The following HIVEP3 variants were observed in gnomAD, a reference collection of about 807,000 sequenced individuals.
HIVEP3 encodes the protein HIVEP zinc finger 3.
HIVEP3 carries 49 observed loss-of-function variants against 152.8 expected under a neutral mutation model. That is an observed-to-expected ratio of 0.32 (90% CI 0.26 to 0.41). The LOEUF is 0.41. HIVEP3 is among the 10% of genes least tolerant of loss of function. The pLI, the probability that HIVEP3 is intolerant of heterozygous loss-of-function variation, is 1.00. For missense variants in HIVEP3, 2,790 were observed against 3,103.3 expected, an observed-to-expected ratio of 0.90 and a Z score of 2.40; for synonymous variants, 1,269 against 1,289.0, an observed-to-expected ratio of 0.98 and a Z score of 0.33.
At chr1:41,586,371 A>G (rs1340476627) in intron 3 of HIVEP3, among the ~76,000 whole-genome samples, 4 of 152,234 alleles carry the variant, frequency 2.6e-5, no homozygotes, top group Admixed American at 1.3e-4. Context: ...GGACATCATG[A>G]AGATGGCTTA....
intron 1 of HIVEP3, chr1:41,847,467 TA>T (rs1177430359): frequency 6.6e-6 from 1 of 152,266 alleles, no homozygotes; most frequent in Middle Eastern, 3.2e-3. Flanking sequence ...TGTATGATAC[TA>T]TATGACTAAA....
intron 3 of HIVEP3, among the ~76,000 whole-genome samples, chr1:41,620,171 G>C (rs1645026376): frequency 6.6e-6 from 1 of 152,180 alleles, no homozygotes. Flanking sequence ...CCGAACAGAG[G>C]CAAGACAGCA....
chr1:41,545,186 C>T (rs1643718985), intron 5 of HIVEP3, among the ~76,000 whole-genome samples: 4 of 135,802 alleles, frequency 2.9e-5, no homozygotes, highest in African/African-American at 5.9e-5. Context: ...TTACCACCAT[C>T]ACCAACACCA....
In HIVEP3 at chr1:41,772,085, T is replaced by C. The variant is rs1648409914; in HGVS notation, c.-800-71090A>G. On this transcript the variant is annotated intron_variant, in intron 1 of 8. Coordinates refer to ENST00000372583, the MANE Select transcript of HIVEP3 (RefSeq NM_024503.5). ...CTGCCGCGAGTGATGCCACCTCAAG[T>C]AGGCCATGCTTGACCTCCTGGTTCT... Among the ~76,000 whole-genome samples, 15 of 152,272 alleles carry C rather than the reference T, an allele frequency of 9.9e-5. No individual in the cohort carries two copies. In the South Asian group the frequency reaches 3.1e-3, roughly 32 times the overall value.
intron 2 of HIVEP3, among the ~76,000 whole-genome samples, chr1:41,672,082 T>A (rs1645886125): frequency 6.6e-6 from 1 of 152,044 alleles, no homozygotes; most frequent in Admixed American, 6.5e-5. Context: ...AGCGCATGAG[T>A]GTGCTCTGAC....
In HIVEP3 at chr1:41,582,896, C is replaced by T; in HGVS notation, c.1902G>A (p.Lys634=). 6.2e-7 allele frequency: 1 copy of T among 1,614,132 alleles called. No homozygotes were observed. Among genetic ancestry groups the T allele is most frequent in the Non-Finnish European group, 8.5e-7 (1 of 1,180,040 alleles). The change falls in exon 4 of 9, where the codon AAG becomes AAA. Residue 634 remains lysine (K), a synonymous_variant. Coordinates refer to ENST00000372583, the MANE Select transcript of HIVEP3 (RefSeq NM_024503.5). This position sits in a 1 kb window ranked among gnomAD's most constrained non-coding sequence, Gnocchi z 4.7. ...AGATCACCCCTTTTGTTTTCAAACCCTTCTTGGTCTTTTTGGTAAGCTCGC... is the reference window on the plus strand; with the variant it reads ...AGATCACCCCTTTTGTTTTCAAACCTTTCTTGGTCTTTTTGGTAAGCTCGC... ...KESELTKKTK[K]GLKTKGVIYE...
intron 5 of HIVEP3, among the ~76,000 whole-genome samples, chr1:41,554,778 A>G (rs1279277665): frequency 2.0e-5 from 3 of 152,198 alleles, no homozygotes; most frequent in Non-Finnish European, 4.4e-5. Flanking sequence ...AGTTTGCTGG[A>G]GGTCCACTCC....
chr1:41,518,075 C>A (rs1047058812), intron 7 of HIVEP3, among the ~76,000 whole-genome samples: 5 of 152,328 alleles, frequency 3.3e-5, no homozygotes, highest in African/African-American at 9.6e-5. Flanking sequence ...GCTGTAAGTT[C>A]TCTTGTGTGC....
At chr1:41,704,342 T>C (rs1646404012) in intron 1 of HIVEP3, among the ~76,000 whole-genome samples, 1 of 152,248 alleles carries the variant, frequency 6.6e-6, no homozygotes, top group African/African-American at 2.4e-5. Flanking sequence ...GCACATTCTC[T>C]ATTTGGCTTC....
At chr1:41,916,271 T>G (rs961859272) in intron 1 of HIVEP3, among the ~76,000 whole-genome samples, 19 of 152,298 alleles carry the variant, frequency 1.2e-4, no homozygotes, top group Non-Finnish European at 1.9e-4. Context: ...ATAGTGCCAG[T>G]TGAGCACATC....
intron 8 of HIVEP3, among the ~76,000 whole-genome samples, chr1:41,512,059 A>G (rs1422305153): frequency 1.3e-5 from 2 of 152,144 alleles, no homozygotes; most frequent in African/African-American, 2.4e-5. Flanking sequence ...CATCTGCTCA[A>G]AGAACACAGG....
chr1:41,546,825 G>A (rs531252455), intron 5 of HIVEP3, among the ~76,000 whole-genome samples: 1 of 152,362 alleles, frequency 6.6e-6, no homozygotes, highest in African/African-American at 2.4e-5. Context: ...GGCCCGGCCT[G>A]GATGCAGTGT....
At chr1:41,981,908 G>A (rs1570865579) in intron 1 of HIVEP3, among the ~76,000 whole-genome samples, 1 of 152,158 alleles carries the variant, frequency 6.6e-6, no homozygotes. Context: ...GGGGTCCAGG[G>A]GCTGCAGAGG....
chr1:41,733,061 C>A (rs1310438951), intron 1 of HIVEP3, among the ~76,000 whole-genome samples: 1 of 152,186 alleles, frequency 6.6e-6, no homozygotes, highest in African/African-American at 2.4e-5. Context: ...CAGTTCAGAG[C>A]ACACTGGGAA....
At chr1:41,798,875 T>C (rs1650137344) in intron 1 of HIVEP3, among the ~76,000 whole-genome samples, 1 of 152,188 alleles carries the variant, frequency 6.6e-6, no homozygotes, top group African/African-American at 2.4e-5. Context: ...TCAAAATTAT[T>C]AAAGTGCTTG....
At chr1:41,972,586 C>T (rs1645235997) in intron 1 of HIVEP3, among the ~76,000 whole-genome samples, 1 of 152,202 alleles carries the variant, frequency 6.6e-6, no homozygotes, top group Admixed American at 6.5e-5. Flanking sequence ...GTACAAGCAT[C>T]AATAAATGCA....
chr1:42,018,877 A>C (rs1230129350), intron 1 of HIVEP3, among the ~76,000 whole-genome samples: 1 of 152,042 alleles, frequency 6.6e-6, no homozygotes, highest in Non-Finnish European at 1.5e-5. Context: ...ATTTGTCTAC[A>C]AATGTATTGC....
chr1:41,970,573 T>C (rs1025058731), intron 1 of HIVEP3, among the ~76,000 whole-genome samples: 1 of 151,928 alleles, frequency 6.6e-6, no homozygotes. Context: ...TCAGGAAAAA[T>C]AGTGAATGTG....
chr1:41,583,503 A>G lies in HIVEP3; in HGVS notation c.1295T>C (p.Leu432Pro). 3.1e-6 allele frequency: 5 copies of G among 1,613,968 alleles called. No individual in the cohort carries two copies. Among genetic ancestry groups the G allele is most frequent in the Non-Finnish European group, 4.2e-6 (5 of 1,179,944 alleles). ...GAGGGGCTGGGTGGAGGTGGCTGTCAGCATGGCGGTCCGCTGTCCTATTCG... is the reference window on the plus strand; with the variant it reads ...GAGGGGCTGGGTGGAGGTGGCTGTCGGCATGGCGGTCCGCTGTCCTATTCG... ...CGRIGQRTAMLTATSTQPLLP... is the reference protein window; with the variant it reads ...CGRIGQRTAMPTATSTQPLLP... The change falls in exon 4 of 9, where the codon CTG (leucine) becomes CCG (proline). Residue 432 changes from leucine to proline, a missense_variant. Physicochemically the swap from Leu to Pro is moderately conservative, Grantham distance 98 (BLOSUM62 -3). Coordinates refer to ENST00000372583, the MANE Select transcript of HIVEP3 (RefSeq NM_024503.5). The surrounding 1 kb of genome is among the most constrained non-coding windows in gnomAD (Gnocchi z 6.9).
Sources: allele counts gnomAD v4.1 joint callset (sites outside exome capture counted in the v4.1 genomes callset), GRCh38; gene constraint gnomAD v4.1.1; non-coding constraint Gnocchi (gnomAD v3.1); transcripts MANE v1.5; gene names NCBI Gene and HGNC (gene_info 2026-07-23, HGNC 2026-07-21).